CACNB2: variants seen among roughly 807,000 people sequenced by gnomAD.
The protein encoded by CACNB2 is calcium voltage-gated channel auxiliary subunit beta 2.
CACNB2 carries 42 observed loss-of-function variants against 73.3 expected under a neutral mutation model. The ratio of observed to expected loss-of-function variants is 0.57; its 90% CI spans 0.45 to 0.74. CACNB2 has a LOEUF of 0.74. CACNB2 is among the 30% of genes least tolerant of loss of function. The pLI is 0.00. For synonymous variants in CACNB2, 348 were observed against 310.3 expected, an observed-to-expected ratio of 1.12 and a Z score of -1.28; for missense variants, 940 against 853.0, an observed-to-expected ratio of 1.10 and a Z score of -1.27.
At chr10:18,283,125 T>C (rs1044011342) in intron 2 of CACNB2, among the ~76,000 whole-genome samples, 11 of 152,248 alleles carry the variant, frequency 7.2e-5, no homozygotes, top group African/African-American at 2.4e-4. Context: ...AATGAGATAC[T>C]ATCTCACACC....
Position 18,150,924 on chromosome 10 carries a change from A to C in CACNB2, c.162A>C (p.Gly54=). 1 of 1,567,368 alleles carries C rather than the reference A, an allele frequency of 6.4e-7. No homozygotes were observed. Among genetic ancestry groups the C allele is most frequent in the Non-Finnish European group, 8.7e-7 (1 of 1,155,922 alleles). ...CCAGAAGGAAAAACAGATTTAAAGG[A>C]TCTGATGGAAGCACGTCATCTGATA... ...KGARRKNRFK[G]SDGSTSSDTT... is the part of the protein sequence containing the mutation. The change falls in exon 2 of 14, where the codon GGA becomes GGC. Residue 54 remains glycine (G), a synonymous_variant. Transcript: ENST00000324631.
chr10:18,356,235 A>T (rs187212398), intron 2 of CACNB2, among the ~76,000 whole-genome samples: 207 of 152,158 alleles, frequency 1.4e-3, no homozygotes, highest in Non-Finnish European at 2.3e-3. Context: ...CTGATGCTTC[A>T]TTCATGCAAC....
intron 2 of CACNB2, among the ~76,000 whole-genome samples, chr10:18,315,399 G>A (rs566346832): frequency 4.2e-4 from 59 of 139,818 alleles, no homozygotes; most frequent in African/African-American, 1.4e-3. Flanking sequence ...TGTAGCTCAC[G>A]CCTGTAATCC....
At chr10:18,370,881 A>C (rs1170562085) in intron 2 of CACNB2, among the ~76,000 whole-genome samples, 1 of 152,248 alleles carries the variant, frequency 6.6e-6, no homozygotes, top group Non-Finnish European at 1.5e-5. Flanking sequence ...TTCAACATCT[A>C]TATCTCGATA....
chr10:18,281,896 C>T (rs548111186), intron 2 of CACNB2, among the ~76,000 whole-genome samples: 12 of 146,642 alleles, frequency 8.2e-5, no homozygotes, highest in African/African-American at 3.0e-4. Flanking sequence ...AGGAGAATCA[C>T]TGGAGCTCAG....
chr10:18,234,073 C>T (rs1292348738), intron 2 of CACNB2: 1 of 152,136 alleles, frequency 6.6e-6, no homozygotes, highest in African/African-American at 2.4e-5. Context: ...GGCAGTGGGC[C>T]AGCAGCTGCA....
chr10:18,510,319 T>G (rs2050698613), intron 6 of CACNB2, among the ~76,000 whole-genome samples: 1 of 152,194 alleles, frequency 6.6e-6, no homozygotes, highest in African/African-American at 2.4e-5. Flanking sequence ...CTTTGTTTTT[T>G]TTTGAGATGG....
chr10:18,532,697 CAAAACAAAA>C (rs1360228438), intron 10 of CACNB2, among the ~76,000 whole-genome samples: 50,779 of 125,750 alleles, frequency 0.4, 9,853 homozygotes, highest in East Asian at 0.71. Context: ...AAAAAAAAAA[CAAAACAAAA>C]AAACAAACAA....
intron 2 of CACNB2, among the ~76,000 whole-genome samples, chr10:18,159,802 A>G (rs537053786): frequency 6.6e-6 from 1 of 152,320 alleles, no homozygotes; most frequent in South Asian, 2.1e-4. Flanking sequence ...TTCAGCCCTT[A>G]AATACTGGCC....
Position 18,518,854 on chromosome 10 carries a change from T to C in CACNB2, c.886-56T>C, listed in dbSNP as rs1328242062. ...TCCTAAGAGAAGTAAAATTGTTTTA[T>C]CATCGTTAGTAATTTTTTTTGGTCA... On this transcript the variant is annotated intron_variant, in intron 8 of 13. Coordinates refer to ENST00000324631, the MANE Select transcript of CACNB2 (RefSeq NM_201596.3). The C allele has an allele frequency of 2.1e-6, 3 of 1,462,704 alleles. No individual in the cohort carries two copies. In the Admixed American group the frequency reaches 5.0e-5, roughly 24 times the overall value. 90.6% of individuals were successfully genotyped at this position (1,462,704 alleles called of 1,614,324 possible). A position where few individuals can be genotyped will look rare whatever the true frequency, so the allele number is the denominator to read the frequency against.
chr10:18,308,805 G>A (rs1015556356), intron 2 of CACNB2, among the ~76,000 whole-genome samples: 1 of 152,204 alleles, frequency 6.6e-6, no homozygotes, highest in African/African-American at 2.4e-5. Flanking sequence ...AATGAGCCAA[G>A]GGTATGACTT....
chr10:18,505,574 C>T (rs1404615559), intron 5 of CACNB2, among the ~76,000 whole-genome samples: 2 of 152,114 alleles, frequency 1.3e-5, no homozygotes, highest in Non-Finnish European at 2.9e-5. Flanking sequence ...TGCATAAACA[C>T]TGTAGCAAAT....
At chr10:18,466,489 T>A (rs2047894391) in intron 3 of CACNB2, among the ~76,000 whole-genome samples, 1 of 152,144 alleles carries the variant, frequency 6.6e-6, no homozygotes, top group Admixed American at 6.6e-5. Context: ...TGCCTCAGCC[T>A]GTCAATATTT....
chr10:18,263,262 G>A (rs537984517), intron 2 of CACNB2, among the ~76,000 whole-genome samples: 13 of 152,144 alleles, frequency 8.5e-5, no homozygotes, highest in Middle Eastern at 3.4e-3. Context: ...TATCTGTAAC[G>A]GAGACTTTAG....
intron 2 of CACNB2, among the ~76,000 whole-genome samples, chr10:18,324,751 G>A (rs1489600038): frequency 6.6e-6 from 1 of 152,190 alleles, no homozygotes; most frequent in African/African-American, 2.4e-5. Context: ...ATCTACTCAG[G>A]AGGCTGAGGC....
rs534452392 is a variant in CACNB2, at chr10:18,362,519, C to T, written c.214-39405C>T. Among the ~76,000 whole-genome samples, 8 of 152,078 alleles carry T rather than the reference C, an allele frequency of 5.3e-5. No homozygotes were observed. The South Asian group carries it at 1.7e-3, about 32-fold the overall frequency. On this transcript the variant is annotated intron_variant, in intron 2 of 13. Transcript: ENST00000324631. ...TTTTAGAGAATGGACACAGAAGTCA[C>T]CATAGGTGAATTGACTTAAAATCTT...
At chr10:18,214,682 C>T (rs2035444158) in intron 2 of CACNB2, among the ~76,000 whole-genome samples, 1 of 151,192 alleles carries the variant, frequency 6.6e-6, no homozygotes, top group African/African-American at 2.4e-5. Context: ...GTGGCAACAG[C>T]TGGTCGGGGA....
At chr10:18,473,931 C>A (rs534849769) in intron 3 of CACNB2, among the ~76,000 whole-genome samples, 1 of 152,180 alleles carries the variant, frequency 6.6e-6, no homozygotes, top group Admixed American at 6.6e-5. Flanking sequence ...TGCAGCTCCC[C>A]GCCACGCTGC....
chr10:18,495,474 C>T (rs1300387182), intron 3 of CACNB2, among the ~76,000 whole-genome samples: 2 of 152,064 alleles, frequency 1.3e-5, no homozygotes, highest in African/African-American at 4.8e-5. Flanking sequence ...CCACCTTGGC[C>T]TCCCAAAGTG....
Sources: gnomAD v4.1 joint callset for allele counts (sites outside exome capture counted in the v4.1 genomes callset) on GRCh38, gnomAD v4.1.1 for gene constraint, MANE v1.5 for transcripts, NCBI Gene and HGNC (gene_info 2026-07-23, HGNC 2026-07-21) for gene names.